The following BTLA variants were observed in gnomAD, a reference collection of about 807,000 sequenced individuals.
BTLA encodes B and T lymphocyte associated.
BTLA carries 11 observed loss-of-function variants against 25.0 expected under a neutral mutation model. The observed-to-expected ratio is 0.44, with a 90% CI of 0.28 to 0.73. The LOEUF (loss-of-function observed/expected upper bound fraction) is 0.73. Among genes scored for constraint, BTLA ranks in the 30% least tolerant of loss-of-function variants. The probability of loss-of-function intolerance (pLI) is 0.15; values close to 1 mark genes in which losing one functional copy is unlikely to be tolerated. For synonymous variants in BTLA, 104 were observed against 119.8 expected (o/e 0.87, Z 0.86); for missense variants, 282 against 332.8 (o/e 0.85, Z 1.19).
rs2082427379 is a variant in BTLA at position 112,499,122 on chromosome 3, T to A, written c.88+149A>T. On this transcript the variant is annotated intron_variant, in intron 1 of 4. Transcript: ENST00000334529. Reference sequence around the variant, plus strand: ...CTAATTTGGTTTATGCTCTACGATGTCTTCGGTAAGCAAATGTAACAGCTT... The same window carrying A: ...CTAATTTGGTTTATGCTCTACGATGACTTCGGTAAGCAAATGTAACAGCTT... 4 of 602,026 alleles carry A rather than the reference T, an allele frequency of 6.6e-6. No individual in the cohort carries two copies. The East Asian group carries it at 1.1e-4, about 17-fold the overall frequency. 37.3% of individuals were successfully genotyped at this position (602,026 alleles called of 1,614,324 possible).
intron 2 of BTLA, 63 bp from the exon 3 acceptor site, chr3:112,471,418 C>A: frequency 1.9e-6 from 3 of 1,542,294 alleles, no homozygotes; most frequent in East Asian, 2.3e-5. Flanking sequence ...ATCAGCGGCA[C>A]CCCTCTGCAT....
At chr3:112,488,146 T>C (rs2082358565) in intron 1 of BTLA, among the ~76,000 whole-genome samples, 1 of 152,200 alleles carries the variant, frequency 6.6e-6, no homozygotes. Flanking sequence ...CCAAATGGTC[T>C]TCTACATTCC....
intron 2 of BTLA, among the ~76,000 whole-genome samples, chr3:112,478,790 C>T (rs1576682565): frequency 6.6e-6 from 1 of 152,160 alleles, no homozygotes; most frequent in East Asian, 1.9e-4. Flanking sequence ...TTACTCTTAC[C>T]TACTCCCCCC....
chr3:112,475,469 T>C (rs2082284175), intron 2 of BTLA, among the ~76,000 whole-genome samples: 1 of 152,218 alleles, frequency 6.6e-6, no homozygotes. Flanking sequence ...ACAAAATAGA[T>C]AGATTGTTGA....
At chr3:112,491,837 T>A (rs1261931867) in intron 1 of BTLA, among the ~76,000 whole-genome samples, 7 of 59,776 alleles carry the variant, frequency 1.2e-4, no homozygotes, top group Non-Finnish European at 8.7e-5. Context: ...ACAACCATTC[T>A]AGGGATCAGC....
Position 112,479,760 on chromosome 3 carries a change from G to A in BTLA, c.98C>T (p.Ser33Leu). Residue 33 changes from serine to leucine, a missense_variant, in exon 2 of 5, where the codon TCA (serine) becomes TTA (leucine). Physicochemically the swap from Ser to Leu is moderately radical, Grantham distance 145. Around this residue, in one of 2 missense-constraint regions of BTLA, gnomAD observed 163 missense variants for 230.4 expected, o/e 0.71. Transcript: ENST00000334529. ...LDIWNIHGKESCDVQLYIKRQ... is the reference protein window; with the variant it reads ...LDIWNIHGKELCDVQLYIKRQ... ...CTTTATATAAAGCTGTACATCACAT[G>A]ATTCTTTCCCTAAAAGATAAAAACA... 2 of 1,585,324 alleles carry A rather than the reference G, an allele frequency of 1.3e-6. No individual in the cohort carries two copies. The highest frequency in any genetic ancestry group is 1.7e-6 in the Non-Finnish European group (2 of 1,165,810).
chr3:112,471,795 TTTC>T (rs2082263784), intron 2 of BTLA, among the ~76,000 whole-genome samples: 1 of 152,194 alleles, frequency 6.6e-6, no homozygotes. Context: ...GAAATTCAAG[TTTC>T]TTCAACACAA....
At chr3:112,489,345 A>G (rs1233692828) in intron 1 of BTLA, among the ~76,000 whole-genome samples, 1 of 152,110 alleles carries the variant, frequency 6.6e-6, no homozygotes, top group Non-Finnish European at 1.5e-5. Context: ...TTTGAAACCA[A>G]TCAGCCATTT....
Position 112,469,790 on chromosome 3 carries a change from GTTCATTTTGCT to G in BTLA, c.551_561del (p.Lys184ThrfsTer3). On this transcript the variant is annotated frameshift_variant, in exon 4 of 5. Coordinates refer to ENST00000334529, the MANE Select transcript of BTLA (RefSeq NM_181780.4). LOFTEE classifies it low-confidence loss of function (END_TRUNC). ...ATTTCCCTTCCTGCTGTGTCAGAGA[GTTCATTTTGCT>G]TTCCTGGAAGACAAAAAGAAAAAGA... is the stretch of plus-strand genomic sequence containing the variant. The G allele has an allele frequency of 6.2e-7, 1 of 1,610,618 alleles. No individual in the cohort carries two copies. The highest frequency in any genetic ancestry group is 8.5e-7 in the Non-Finnish European group (1 of 1,179,258).
chr3:112,471,443 T>C (rs1315462394), intron 2 of BTLA, 88 bp from the exon 3 acceptor site: 36 of 1,398,076 alleles, frequency 2.6e-5, no homozygotes, highest in Non-Finnish European at 3.0e-5. Context: ...AGAACTTGAG[T>C]GAAGGAGATT....
intron 2 of BTLA, among the ~76,000 whole-genome samples, chr3:112,474,150 C>T (rs1186974139): frequency 6.6e-6 from 1 of 152,116 alleles, no homozygotes; most frequent in Non-Finnish European, 1.5e-5. Flanking sequence ...TGAACATAAA[C>T]AGCAAAAGAA....
At chr3:112,467,502 C>T (rs2082236763) in intron 4 of BTLA, among the ~76,000 whole-genome samples, 1 of 152,184 alleles carries the variant, frequency 6.6e-6, no homozygotes, top group Non-Finnish European at 1.5e-5. Flanking sequence ...TGGCCTAACT[C>T]CTTTAAGGTA....
chr3:112,485,069 AG>A (rs1177899692), intron 1 of BTLA, among the ~76,000 whole-genome samples: 1 of 152,030 alleles, frequency 6.6e-6, no homozygotes, highest in Non-Finnish European at 1.5e-5. Flanking sequence ...TTTGAGATGA[AG>A]TCTCGCTCTT....
At chr3:112,469,607 G>GTATCTATATA (rs2082249150) in intron 4 of BTLA, 151 bp downstream of exon 4, 1 of 58,356 alleles carries the variant, frequency 1.7e-5, no homozygotes, top group African/African-American at 7.1e-5. Context: ...ATGGGTCTAT[G>GTATCTATATA]TATATATATA....
intron 1 of BTLA, among the ~76,000 whole-genome samples, chr3:112,484,964 C>A (rs1183363253): frequency 6.6e-6 from 1 of 152,182 alleles, no homozygotes; most frequent in African/African-American, 2.4e-5. Flanking sequence ...TATAATACCT[C>A]CTATCTCTCA....
chr3:112,471,943 T>C (rs2082264904), intron 2 of BTLA, among the ~76,000 whole-genome samples: 1 of 152,204 alleles, frequency 6.6e-6, no homozygotes, highest in African/African-American at 2.4e-5. Context: ...GAGGCCCTGT[T>C]TGTCTGCAGT....
chr3:112,495,811 A>C (rs907888519), intron 1 of BTLA, among the ~76,000 whole-genome samples: 5 of 152,196 alleles, frequency 3.3e-5, no homozygotes, highest in Non-Finnish European at 5.9e-5. Context: ...GCCAGTTTGT[A>C]GTAGAGCAAA....
chr3:112,487,202 A>G (rs2082353134), intron 1 of BTLA, among the ~76,000 whole-genome samples: 1 of 152,284 alleles, frequency 6.6e-6, no homozygotes, highest in Admixed American at 6.5e-5. Context: ...AACAGTAACC[A>G]TAGTATTTAG....
intron 4 of BTLA, among the ~76,000 whole-genome samples, chr3:112,469,263 T>A (rs562597026): frequency 4.6e-5 from 7 of 152,296 alleles, no homozygotes; most frequent in African/African-American, 1.4e-4. Context: ...CTCTGTGTAA[T>A]AACTAAGCCA....
Sources: gnomAD v4.1 joint callset for allele counts (sites outside exome capture counted in the v4.1 genomes callset) on GRCh38, gnomAD v4.1.1 for gene constraint, gnomAD v4.1.1 regional missense constraint, MANE v1.5 for transcripts, NCBI Gene and HGNC (gene_info 2026-07-23, HGNC 2026-07-21) for gene names.